Variants in KLHL29 observed in about 807,000 individuals in gnomAD.
KLHL29 encodes the protein kelch-like protein 29.
A neutral mutation model predicts 80.4 loss-of-function variants in KLHL29; 21 were observed. The observed-to-expected ratio is 0.26, with a 90% CI of 0.19 to 0.38. The LOEUF is 0.38. Ranked by LOEUF, KLHL29 falls within the 10% of genes least tolerant of loss-of-function variation. The pLI is 1.00. For missense variants in KLHL29, 867 were observed against 1,223.9 expected (o/e 0.71, Z 4.35); for synonymous variants, 511 against 526.8 (o/e 0.97, Z 0.41).
chr2:23,614,941 C>A (rs1668964798), intron 3 of KLHL29, among the ~76,000 whole-genome samples: 1 of 152,190 alleles, frequency 6.6e-6, no homozygotes. Flanking sequence ...GAGTGTGCTG[C>A]TCCCTGCAGC....
At chr2:23,642,928 C>T (rs747949663) in intron 5 of KLHL29, 78 bp downstream of exon 5, 1 of 1,496,802 alleles carries the variant, frequency 6.7e-7, no homozygotes, top group South Asian at 1.2e-5. Flanking sequence ...ACCACCGGGA[C>T]AGGGGGTGCT....
chr2:23,460,994 T>C (rs926816282), intron 1 of KLHL29, among the ~76,000 whole-genome samples: 19 of 152,322 alleles, frequency 1.2e-4, no homozygotes, highest in Non-Finnish European at 1.9e-4. Context: ...GTGTCTGCGC[T>C]GAGAGGCCAC....
intron 3 of KLHL29, among the ~76,000 whole-genome samples, chr2:23,620,207 C>T (rs1669134699): frequency 6.6e-6 from 1 of 152,282 alleles, no homozygotes; most frequent in South Asian, 2.1e-4. Flanking sequence ...CATGAAGTGC[C>T]AGCCCAGGGG....
At position 23,706,562 on chromosome 2, in the gene KLHL29, C is replaced by T. The variant is rs1465585959; in HGVS notation, c.2526C>T (p.Ala842=). 2.6e-6 allele frequency: 4 copies of T among 1,537,216 alleles called. No homozygotes were observed. In the South Asian group the frequency reaches 4.8e-5, roughly 18 times the overall value. The part of the protein sequence containing the change: ...SEGPALGNME[A]YEPTTNTWTL... ...GGCCCGCGCTGGGCAACATGGAGGC[C>T]TACGAGCCCACAACCAACACATGGA... is the stretch of plus-strand genomic sequence containing the variant. Residue 842 remains alanine (A), a synonymous_variant, in exon 14 of 14, where the codon GCC becomes GCT. Coordinates refer to ENST00000486442, the MANE Select transcript of KLHL29 (RefSeq NM_052920.2).
intron 2 of KLHL29, among the ~76,000 whole-genome samples, chr2:23,481,039 C>G (rs190073024): frequency 6.6e-6 from 1 of 152,322 alleles, no homozygotes; most frequent in East Asian, 1.9e-4. Flanking sequence ...TCCATGCTCT[C>G]GAAACGGTAA....
intron 1 of KLHL29, among the ~76,000 whole-genome samples, chr2:23,461,251 C>T (rs539395451): frequency 8.5e-5 from 13 of 152,312 alleles, no homozygotes; most frequent in South Asian, 4.2e-4. Context: ...CTTGACATTA[C>T]GTGAGTAGTA....
chr2:23,671,658 C>A (rs1670767647), intron 5 of KLHL29, among the ~76,000 whole-genome samples: 1 of 152,176 alleles, frequency 6.6e-6, no homozygotes, highest in African/African-American at 2.4e-5. Flanking sequence ...CAGCCAGCCC[C>A]TCCCTACACC....
chr2:23,694,714 C>T (rs576482510), intron 8 of KLHL29, among the ~76,000 whole-genome samples: 4 of 152,144 alleles, frequency 2.6e-5, no homozygotes, highest in East Asian at 1.9e-4. Context: ...CACTCTCTGA[C>T]GCCTCTACAC....
chr2:23,613,593 A>G (rs928945309), intron 3 of KLHL29, among the ~76,000 whole-genome samples: 1 of 151,844 alleles, frequency 6.6e-6, no homozygotes, highest in African/African-American at 2.4e-5. Flanking sequence ...GTGAAACCCC[A>G]TCTCTACTAA....
intron 3 of KLHL29, among the ~76,000 whole-genome samples, chr2:23,627,630 GTTTGTCTC>G (rs1474102171): frequency 2.6e-5 from 4 of 152,194 alleles, no homozygotes; most frequent in African/African-American, 9.6e-5. Context: ...GTGCTGCCCT[GTTTGTCTC>G]TTTGTCTCGC....
chr2:23,653,339 G>T (rs970396892), intron 5 of KLHL29, among the ~76,000 whole-genome samples: 2 of 152,218 alleles, frequency 1.3e-5, no homozygotes, highest in South Asian at 4.1e-4. Flanking sequence ...GCTAGGAGTT[G>T]TCCATCTGAG....
intron 5 of KLHL29, among the ~76,000 whole-genome samples, chr2:23,649,771 T>C (rs1283286589): frequency 1.3e-5 from 2 of 152,220 alleles, no homozygotes; most frequent in Non-Finnish European, 2.9e-5. Flanking sequence ...GAACATTTCC[T>C]TCCTGGGGGC....
chr2:23,563,737 AG>A (rs1169739527), intron 3 of KLHL29, among the ~76,000 whole-genome samples: 2 of 152,234 alleles, frequency 1.3e-5, no homozygotes, highest in African/African-American at 4.8e-5. Context: ...AGCCTGGCAG[AG>A]GCTGAGACAA....
In KLHL29 at chr2:23,645,459, G is replaced by GA. The variant is rs566633005; in HGVS notation, c.940+2619dup. The stretch of plus-strand genomic sequence containing the variant: ...CAACACAAGTCAGAACTCCACTTTA[G>GA]AAAAAAAAAAGAACTTTCCTTTTCT... On this transcript the variant is annotated intron_variant, in intron 5 of 13. Coordinates refer to ENST00000486442, the MANE Select transcript of KLHL29 (RefSeq NM_052920.2). Among the ~76,000 whole-genome samples, 190 of 147,804 alleles carry GA rather than the reference G, an allele frequency of 1.3e-3. 9 individuals carry two copies. The South Asian group carries it at 0.039, about 31-fold the overall frequency.
chr2:23,523,723 G>A (rs1460093586), intron 2 of KLHL29, among the ~76,000 whole-genome samples: 2 of 152,172 alleles, frequency 1.3e-5, no homozygotes, highest in African/African-American at 4.8e-5. Context: ...GTAGGAGCTG[G>A]GAAATGTCAG....
chr2:23,387,076 C>G (rs1666202354), intron 1 of KLHL29, among the ~76,000 whole-genome samples: 1 of 152,190 alleles, frequency 6.6e-6, no homozygotes, highest in Non-Finnish European at 1.5e-5. Context: ...GCTCTGCAAA[C>G]GTTCTCCTCC....
chr2:23,453,252 G>A (rs2103422977), intron 1 of KLHL29, among the ~76,000 whole-genome samples: 1 of 152,314 alleles, frequency 6.6e-6, no homozygotes, highest in East Asian at 1.9e-4. Flanking sequence ...GCTGGTTGAT[G>A]TAACCACACC....
At chr2:23,525,255 C>A (rs997520828) in intron 2 of KLHL29, among the ~76,000 whole-genome samples, 4 of 152,254 alleles carry the variant, frequency 2.6e-5, no homozygotes, top group African/African-American at 9.6e-5. Context: ...GAAGAACTTT[C>A]TCTTTGTCTC....
At chr2:23,548,312 C>G (rs905299192) in intron 2 of KLHL29, among the ~76,000 whole-genome samples, 1 of 151,794 alleles carries the variant, frequency 6.6e-6, no homozygotes, top group Non-Finnish European at 1.5e-5. Context: ...GGCACACACA[C>G]ACACAGACAC....
Sources: gnomAD v4.1 joint callset for allele counts (sites outside exome capture counted in the v4.1 genomes callset) on GRCh38, gnomAD v4.1.1 for gene constraint, MANE v1.5 for transcripts, NCBI Gene and HGNC (gene_info 2026-07-23, HGNC 2026-07-21) for gene names.